Variants in FUT8 observed in about 807,000 individuals in gnomAD.
FUT8 encodes alpha-(1,6)-fucosyltransferase.
FUT8 carries 29 observed loss-of-function variants against 71.3 expected under a neutral mutation model. That is an observed-to-expected ratio of 0.41 (90% confidence interval 0.30 to 0.55). The LOEUF (loss-of-function observed/expected upper bound fraction) is 0.55, where lower values mean the gene tolerates loss of function less well. FUT8 is among the 20% of genes least tolerant of loss of function. The pLI, the probability that FUT8 is intolerant of heterozygous loss-of-function variation, is 0.34. For synonymous variants in FUT8, 254 were observed against 239.3 expected, an observed-to-expected ratio of 1.06 and a Z score of -0.57; for missense variants, 544 against 702.1, an observed-to-expected ratio of 0.77 and a Z score of 2.55.
the FUT8 span, among the ~76,000 whole-genome samples, chr14:65,400,167 T>C: frequency 1.3e-5 from 2 of 152,248 alleles, no homozygotes; most frequent in Non-Finnish European, 2.9e-5. Flanking sequence ...TCTTTTTCTT[T>C]TGTTTTCATA....
intron 2 of FUT8, among the ~76,000 whole-genome samples, chr14:65,491,752 T>C (rs980156021): frequency 3.9e-5 from 6 of 152,170 alleles, no homozygotes; most frequent in African/African-American, 1.2e-4. Flanking sequence ...GAAAATCTTT[T>C]AGGAAGGTAA....
intron 2 of FUT8, among the ~76,000 whole-genome samples, chr14:65,480,429 C>T (rs1326569113): frequency 6.6e-6 from 1 of 151,520 alleles, no homozygotes; most frequent in Non-Finnish European, 1.5e-5. Context: ...GATCCTCCCA[C>T]CTCAGCCACC....
At chr14:65,684,290 A>C (rs1893172486) in intron 7 of FUT8, among the ~76,000 whole-genome samples, 2 of 152,180 alleles carry the variant, frequency 1.3e-5, no homozygotes, top group Non-Finnish European at 2.9e-5. Flanking sequence ...ACACATCTGT[A>C]AATTATTGCA....
chr14:65,529,868 G>C (rs1311715969), intron 2 of FUT8, among the ~76,000 whole-genome samples: 1 of 152,020 alleles, frequency 6.6e-6, no homozygotes, highest in Non-Finnish European at 1.5e-5. Context: ...GACCTCTATT[G>C]AGTGACTCTC....
chr14:65,673,867 A>G (rs1892589333), intron 7 of FUT8, among the ~76,000 whole-genome samples: 1 of 152,196 alleles, frequency 6.6e-6, no homozygotes, highest in African/African-American at 2.4e-5. Context: ...TTATCTCATA[A>G]CTATTAAACT....
chr14:65,726,587 A>G (rs989792092), intron 9 of FUT8, among the ~76,000 whole-genome samples: 4 of 152,182 alleles, frequency 2.6e-5, no homozygotes, highest in South Asian at 2.1e-4. Context: ...CCGTGATTCA[A>G]TTACCTTCCA....
At chr14:65,727,817 C>T (rs527258360) in intron 9 of FUT8, among the ~76,000 whole-genome samples, 11 of 152,288 alleles carry the variant, frequency 7.2e-5, no homozygotes, top group Non-Finnish European at 1.5e-4. Flanking sequence ...CTCTGCTCCC[C>T]TTATAAAACT....
rs1890687195 is a variant in FUT8 at position 65,638,657 on chromosome 14, C to G, written c.597+9051C>G. On this transcript the variant is annotated intron_variant, in intron 6 of 10. Transcript: ENST00000673929. This position sits in a 1 kb window ranked among gnomAD's most constrained non-coding sequence, Gnocchi z 4.5. ...AAACATACATTTCAGCTTATGGAAC[C>G]CCTCACTCCAACACAGGATTTGCCT... Among the ~76,000 whole-genome samples, 2 of 151,972 alleles carry G rather than the reference C, an allele frequency of 1.3e-5. No individual in the cohort carries two copies. The highest frequency in any genetic ancestry group is 6.5e-5 in the Admixed American group (1 of 15,270).
chr14:65,667,756 T>G (rs1039985325), intron 6 of FUT8, among the ~76,000 whole-genome samples: 1 of 152,078 alleles, frequency 6.6e-6, no homozygotes, highest in Non-Finnish European at 1.5e-5. Context: ...AAGCACCGCA[T>G]TACCCGAATT....
chr14:65,491,705 A>G (rs1594693915), intron 2 of FUT8, among the ~76,000 whole-genome samples: 1 of 152,218 alleles, frequency 6.6e-6, no homozygotes, highest in East Asian at 1.9e-4. Flanking sequence ...ATGATTAAGT[A>G]TAACTTAATA....
the FUT8 span, among the ~76,000 whole-genome samples, chr14:65,386,504 A>C: frequency 1.2e-5 from 1 of 82,512 alleles, no homozygotes; most frequent in African/African-American, 6.0e-5. Context: ...ACCTCGTCTC[A>C]AAAAAAAAAA....
At chr14:65,496,893 C>T (rs1027506524) in intron 2 of FUT8, among the ~76,000 whole-genome samples, 1 of 152,078 alleles carries the variant, frequency 6.6e-6, no homozygotes, top group Non-Finnish European at 1.5e-5. Flanking sequence ...TTTGGAGTCA[C>T]ATGGGTTGTC....
intron 3 of FUT8, among the ~76,000 whole-genome samples, chr14:65,608,915 G>A (rs1385747749): frequency 6.6e-6 from 1 of 151,752 alleles, no homozygotes; most frequent in African/African-American, 2.4e-5. Context: ...AAATCTTTTT[G>A]CTTATGAGGT....
intron 2 of FUT8, among the ~76,000 whole-genome samples, chr14:65,527,335 C>G (rs900336252): frequency 2.6e-5 from 4 of 152,170 alleles, no homozygotes; most frequent in Non-Finnish European, 5.9e-5. Context: ...CACTGATACC[C>G]TTTCTTCCAG....
the FUT8 span, among the ~76,000 whole-genome samples, chr14:65,366,848 G>A: frequency 1.3e-5 from 2 of 152,130 alleles, no homozygotes; most frequent in African/African-American, 2.4e-5. Flanking sequence ...GTGGCAAATT[G>A]GCCCTGTGCA....
intron 5 of FUT8, among the ~76,000 whole-genome samples, chr14:65,626,043 C>T (rs1297537361): frequency 2.6e-5 from 4 of 152,064 alleles, no homozygotes; most frequent in African/African-American, 9.7e-5. Flanking sequence ...ATCAATCCCC[C>T]TTCTTCAGGG....
chr14:65,515,133 A>C (rs1420413992), intron 2 of FUT8, among the ~76,000 whole-genome samples: 1 of 147,724 alleles, frequency 6.8e-6, no homozygotes, highest in East Asian at 1.9e-4. Context: ...AGTGTAGTCT[A>C]GGAAGATTTT....
upstream of FUT8, among the ~76,000 whole-genome samples, chr14:65,407,224 T>C (rs2065091706): frequency 6.6e-6 from 1 of 152,232 alleles, no homozygotes; most frequent in Non-Finnish European, 1.5e-5. Context: ...TTCTCTATCC[T>C]AAGTTGGAAA....
At chr14:65,479,419 T>C (rs1183157117) in intron 2 of FUT8, among the ~76,000 whole-genome samples, 1 of 152,218 alleles carries the variant, frequency 6.6e-6, no homozygotes, top group African/African-American at 2.4e-5. Flanking sequence ...TCTCTAACAC[T>C]GGGTATTCTT....
Sources: gnomAD v4.1 joint callset for allele counts (sites outside exome capture counted in the v4.1 genomes callset) on GRCh38, gnomAD v4.1.1 for gene constraint, Gnocchi (gnomAD v3.1) non-coding constraint, MANE v1.5 for transcripts, NCBI Gene and HGNC (gene_info 2026-07-23, HGNC 2026-07-21) for gene names.